Variants in SKAP1 observed in about 807,000 individuals in gnomAD.
The protein encoded by SKAP1 is src kinase-associated phosphoprotein 1.
In SKAP1, 44 loss-of-function variants were observed where a neutral mutation model predicts 58.5. The ratio of observed to expected loss-of-function variants is 0.75; its 90% confidence interval spans 0.59 to 0.97. The LOEUF is 0.97. Ranked by LOEUF, SKAP1 falls within the 50% of genes least tolerant of loss-of-function variation. The pLI is 0.00. For synonymous variants in SKAP1, 127 were observed against 149.7 expected (o/e 0.85, Z 1.11); for missense variants, 390 against 435.2 (o/e 0.90, Z 0.92).
chr17:48,294,518 A>G (rs1400286569), intron 4 of SKAP1: 1 of 152,156 alleles, frequency 6.6e-6, no homozygotes, highest in Non-Finnish European at 1.5e-5. Flanking sequence ...TTTCAAAGGT[A>G]TGTTGTTTAC....
intron 11 of SKAP1, among the ~76,000 whole-genome samples, chr17:48,146,179 G>T (rs2063830662): frequency 1.3e-5 from 2 of 152,136 alleles, no homozygotes; most frequent in South Asian, 2.1e-4. Context: ...CCACACACAG[G>T]CCCCTGCTTT....
intron 4 of SKAP1, among the ~76,000 whole-genome samples, chr17:48,345,432 G>T (rs533246488): frequency 1.3e-5 from 2 of 152,288 alleles, no homozygotes; most frequent in South Asian, 4.1e-4. Context: ...ATGGTCAGGG[G>T]TATGTGAGAA....
chr17:48,154,874 C>G (rs980035626), intron 11 of SKAP1, among the ~76,000 whole-genome samples: 1 of 151,780 alleles, frequency 6.6e-6, no homozygotes, highest in Non-Finnish European at 1.5e-5. Context: ...GCCTGGCCAA[C>G]ATGGTGAAAC....
intron 4 of SKAP1, among the ~76,000 whole-genome samples, chr17:48,336,158 A>C (rs2066566311): frequency 6.6e-6 from 1 of 152,160 alleles, no homozygotes; most frequent in Non-Finnish European, 1.5e-5. Flanking sequence ...ATTCAATTAC[A>C]ACAGGCCATA....
At chr17:48,146,977 C>T (rs534362202) in intron 11 of SKAP1, among the ~76,000 whole-genome samples, 2 of 152,178 alleles carry the variant, frequency 1.3e-5, no homozygotes, top group South Asian at 4.1e-4. Flanking sequence ...TGTCTTCTCA[C>T]AGTTTCCATT....
rs538334489 is a variant in SKAP1 at position 48,429,402 on chromosome 17, C to G, written c.46+673G>C. On this transcript the variant is annotated intron_variant, in intron 1 of 12. Transcript: ENST00000336915. ...AACTCTTTAAACCACCGCTTAGACA[C>G]TGTAGTTGGAAGGTGAACACACCAC... is the stretch of plus-strand genomic sequence containing the variant. 2.6e-5 allele frequency among the ~76,000 whole-genome samples: 4 copies of G among 152,346 alleles called. No homozygotes were observed. In the East Asian group the frequency reaches 7.7e-4, roughly 29 times the overall value.
At chr17:48,331,286 G>GT (rs1475060205) in intron 4 of SKAP1, among the ~76,000 whole-genome samples, 2 of 152,202 alleles carry the variant, frequency 1.3e-5, no homozygotes, top group Non-Finnish European at 2.9e-5. Context: ...AAAAAAATAA[G>GT]TTTAATTTGG....
At chr17:48,411,056 T>C (rs998596648) in intron 1 of SKAP1, among the ~76,000 whole-genome samples, 1 of 150,236 alleles carries the variant, frequency 6.7e-6, no homozygotes, top group Admixed American at 6.7e-5. Context: ...ACCCAAAGTA[T>C]AAAATAAGTA....
At chr17:48,377,678 G>A (rs192065140) in intron 2 of SKAP1, among the ~76,000 whole-genome samples, 91 of 152,118 alleles carry the variant, frequency 6.0e-4, no homozygotes, top group African/African-American at 2.0e-3. Context: ...TACAAACAGA[G>A]AAGATGAACA....
chr17:48,390,802 C>T (rs897919550), intron 2 of SKAP1, among the ~76,000 whole-genome samples: 2 of 152,078 alleles, frequency 1.3e-5, no homozygotes, highest in Non-Finnish European at 2.9e-5. Context: ...GTCCTAGGTG[C>T]GGTGGCTCAC....
At chr17:48,179,378 C>T (rs933871500) in intron 9 of SKAP1, among the ~76,000 whole-genome samples, 2 of 152,196 alleles carry the variant, frequency 1.3e-5, no homozygotes, top group South Asian at 4.1e-4. Context: ...CTGCTGTTAT[C>T]CCCACCAGAC....
chr17:48,163,894 A>G (rs934112597), intron 10 of SKAP1, among the ~76,000 whole-genome samples: 1 of 152,346 alleles, frequency 6.6e-6, no homozygotes, highest in African/African-American at 2.4e-5. Flanking sequence ...GAGGAGGGAG[A>G]GAACTATTTA....
At chr17:48,413,523 A>AAAAAAAAATATATATATATATAT in intron 1 of SKAP1, among the ~76,000 whole-genome samples, 9 of 105,450 alleles carry the variant, frequency 8.5e-5, no homozygotes, top group African/African-American at 3.9e-4. Flanking sequence ...TCAAAAAAAA[A>AAAAAAAAATATATATATATATAT]ATATATATAT....
chr17:48,387,377 A>G (rs4239201), intron 2 of SKAP1, among the ~76,000 whole-genome samples: 93,862 of 151,956 alleles, frequency 0.62, 29,751 homozygotes, highest in African/African-American at 0.76. Context: ...TGTAACTGCT[A>G]AGACACCCAT....
At chr17:48,319,536 G>A (rs1374498782) in intron 4 of SKAP1, among the ~76,000 whole-genome samples, 1 of 152,142 alleles carries the variant, frequency 6.6e-6, no homozygotes, top group Non-Finnish European at 1.5e-5. Flanking sequence ...TCCATAGCTT[G>A]ACTGGACCAG....
chr17:48,440,490 AG>A, the SKAP1 span, among the ~76,000 whole-genome samples: 18 of 152,212 alleles, frequency 1.2e-4, no homozygotes, highest in Non-Finnish European at 2.2e-4. Context: ...CTGTGGCGTA[AG>A]GGTCTGACCA....
chr17:48,237,066 G>A (rs1349547170), intron 4 of SKAP1, among the ~76,000 whole-genome samples: 1 of 152,188 alleles, frequency 6.6e-6, no homozygotes, highest in East Asian at 1.9e-4. Context: ...AGGTCATGAA[G>A]TTGGATTTGA....
intron 4 of SKAP1, among the ~76,000 whole-genome samples, chr17:48,213,378 G>C (rs964578167): frequency 6.8e-6 from 1 of 147,242 alleles, no homozygotes; most frequent in Non-Finnish European, 1.5e-5. Flanking sequence ...AAGCTGTACT[G>C]TTGTAAACGC....
At chr17:48,219,084 T>G (rs2143714576) in intron 4 of SKAP1, among the ~76,000 whole-genome samples, 1 of 152,348 alleles carries the variant, frequency 6.6e-6, no homozygotes, top group Admixed American at 6.5e-5. Context: ...AGAATTAACC[T>G]GAAAGAGTTC....
Sources: gnomAD v4.1 joint callset for allele counts (sites outside exome capture counted in the v4.1 genomes callset) on GRCh38, gnomAD v4.1.1 for gene constraint, MANE v1.5 for transcripts, NCBI Gene and HGNC (gene_info 2026-07-23, HGNC 2026-07-21) for gene names.